CCDC73: variants seen among roughly 807,000 people sequenced by gnomAD.
The protein encoded by CCDC73 is coiled-coil domain containing 73, also known as coiled-coil domain-containing protein 73.
A neutral mutation model predicts 116.5 loss-of-function variants in CCDC73; 95 were observed. That is an observed-to-expected ratio of 0.82 (90% CI 0.69 to 0.97). The LOEUF (loss-of-function observed/expected upper bound fraction) is 0.97, where lower values mean the gene tolerates loss of function less well. Ranked by LOEUF, CCDC73 falls within the 50% of genes least tolerant of loss-of-function variation. The probability of loss-of-function intolerance (pLI) is 0.00; values close to 1 mark genes in which losing one functional copy is unlikely to be tolerated. For synonymous variants in CCDC73, 398 were observed against 401.3 expected (o/e 0.99, Z 0.10); for missense variants, 1,066 against 1,206.8 (o/e 0.88, Z 1.73).
intron 4 of CCDC73, among the ~76,000 whole-genome samples, chr11:32,701,416 A>G (rs1418297526): frequency 1.3e-5 from 2 of 152,190 alleles, no homozygotes; most frequent in Non-Finnish European, 2.9e-5. Context: ...ATGACATTTT[A>G]AAGGCCAGGC....
intron 13 of CCDC73, among the ~76,000 whole-genome samples, chr11:32,640,614 A>AT (rs1855723647): frequency 1.3e-5 from 2 of 152,196 alleles, no homozygotes. Flanking sequence ...CCATTTAACG[A>AT]TTTTTTAGTA....
Position 32,614,945 on chromosome 11 carries a change from G to A in CCDC73, c.1376-3C>T. The A allele has an allele frequency of 6.3e-6, 10 of 1,578,628 alleles. No homozygotes were observed. Among genetic ancestry groups the A allele is most frequent in the Non-Finnish European group, 8.6e-6 (10 of 1,162,362 alleles). On this transcript the variant is annotated splice_region_variant and splice_polypyrimidine_tract_variant and intron_variant, in intron 15 of 17. Coordinates refer to ENST00000335185, the MANE Select transcript of CCDC73 (RefSeq NM_001008391.4). The stretch of plus-strand genomic sequence containing the variant: ...GCTTTTTTCAAAAAGCTGTAAATCT[G>A]TCATGATGGGAACACAGTAAAATTT...
At chr11:32,703,153 C>T (rs1357708311) in intron 3 of CCDC73, among the ~76,000 whole-genome samples, 1 of 152,088 alleles carries the variant, frequency 6.6e-6, no homozygotes, top group Non-Finnish European at 1.5e-5. Context: ...GTGGCACAAT[C>T]ACAGCACACT....
chr11:32,759,161 T>C (rs1242978129), intron 2 of CCDC73, among the ~76,000 whole-genome samples: 3 of 151,874 alleles, frequency 2.0e-5, no homozygotes, highest in South Asian at 2.1e-4. Flanking sequence ...CTCATTTCTA[T>C]ATCCTTATTG....
intron 5 of CCDC73, among the ~76,000 whole-genome samples, chr11:32,699,821 T>G (rs1007543646): frequency 2.0e-5 from 3 of 151,648 alleles, no homozygotes; most frequent in African/African-American, 7.3e-5. Context: ...ATGGCACATG[T>G]ATATATATGT....
intron 17 of CCDC73, among the ~76,000 whole-genome samples, chr11:32,610,587 T>C (rs187218282): frequency 4.6e-5 from 7 of 152,346 alleles, no homozygotes; most frequent in African/African-American, 9.6e-5. Flanking sequence ...CTTCCTGCTA[T>C]AGTTAGTTGC....
At chr11:32,793,024 C>T (rs1454889811) in intron 1 of CCDC73, among the ~76,000 whole-genome samples, 1 of 151,736 alleles carries the variant, frequency 6.6e-6, no homozygotes, top group African/African-American at 2.4e-5. Flanking sequence ...ACGGGATACA[C>T]GGCCAGAGCG....
chr11:32,703,612 G>GACA (rs200882817), intron 3 of CCDC73, among the ~76,000 whole-genome samples: 2 of 151,922 alleles, frequency 1.3e-5, no homozygotes, highest in Non-Finnish European at 2.9e-5. Context: ...CAAAAACAAT[G>GACA]ACAACAACAA....
At chr11:32,709,442 G>A (rs868057439) in intron 3 of CCDC73, among the ~76,000 whole-genome samples, 1 of 152,036 alleles carries the variant, frequency 6.6e-6, no homozygotes, top group African/African-American at 2.4e-5. Context: ...GGCTGCAGGC[G>A]CCTGCCACCA....
At chr11:32,830,051 G>C in the CCDC73 span, 2 of 987,468 alleles carry the variant, frequency 2.0e-6, no homozygotes, top group Non-Finnish European at 2.4e-6. Context: ...CCTGCGGAGA[G>C]CGAGGCCCGG....
At chr11:32,730,958 G>A (rs1850071747) in intron 2 of CCDC73, among the ~76,000 whole-genome samples, 1 of 152,188 alleles carries the variant, frequency 6.6e-6, no homozygotes, top group Non-Finnish European at 1.5e-5. Flanking sequence ...CGGACCATGA[G>A]CCAAAGCAGG....
At position 32,683,530 on chromosome 11, in the gene CCDC73, C is replaced by T. The variant is rs72895286; in HGVS notation, c.429+6G>A. 0.064 allele frequency: 96,324 copies of T among 1,505,368 alleles called. 3,629 individuals are homozygous for T. Among genetic ancestry groups the T allele is most frequent in the Middle Eastern group, 0.077 (338 of 4,362 alleles). The allele number at this position is 1,505,368 out of a possible 1,614,324, so 93.3% of individuals were successfully genotyped here. ...TGGGGGAAAATATGTTTTGTAATTT[C>T]CTTACCATTTCACTCACTTTCTTCT... On this transcript the variant is annotated splice_donor_region_variant and intron_variant, in intron 7 of 17. Transcript: ENST00000335185.
At chr11:32,716,445 T>C (rs112229322) in intron 3 of CCDC73, among the ~76,000 whole-genome samples, 4,418 of 152,318 alleles carry the variant, frequency 0.029, 82 homozygotes, top group Non-Finnish European at 0.039. Context: ...AAGAATCAAG[T>C]ATGACTATTT....
intron 7 of CCDC73, among the ~76,000 whole-genome samples, chr11:32,676,236 C>T (rs1856087912): frequency 6.6e-6 from 1 of 152,052 alleles, no homozygotes; most frequent in South Asian, 2.1e-4. Context: ...ACATATTTTT[C>T]CTGTAGCAAA....
At chr11:32,652,641 C>T (rs1443652696) in intron 12 of CCDC73, among the ~76,000 whole-genome samples, 1 of 152,154 alleles carries the variant, frequency 6.6e-6, no homozygotes, top group Non-Finnish European at 1.5e-5. Flanking sequence ...TCTTCTCCTT[C>T]CCAGTCATTT....
intron 9 of CCDC73, among the ~76,000 whole-genome samples, chr11:32,665,861 C>A (rs1855976035): frequency 6.6e-6 from 1 of 152,120 alleles, no homozygotes. Flanking sequence ...CTGGTAGTGA[C>A]AAAATCTCTC....
chr11:32,744,981 T>G (rs1315163013), intron 2 of CCDC73, among the ~76,000 whole-genome samples: 1 of 152,218 alleles, frequency 6.6e-6, no homozygotes, highest in African/African-American at 2.4e-5. Flanking sequence ...TCTCTAGTTC[T>G]TTTAATTGTG....
At chr11:32,637,010 T>TTTTTC (rs1565063144) in intron 13 of CCDC73, among the ~76,000 whole-genome samples, 2 of 85,134 alleles carry the variant, frequency 2.3e-5, no homozygotes, top group Non-Finnish European at 5.0e-5. Context: ...TTTCACTTTT[T>TTTTTC]CTTTTTCTTT....
chr11:32,646,543 T>C (rs1036823939), intron 12 of CCDC73, among the ~76,000 whole-genome samples: 11 of 152,234 alleles, frequency 7.2e-5, no homozygotes, highest in African/African-American at 2.7e-4. Flanking sequence ...CATGGTTCTA[T>C]TGTCTTCTAC....
Sources: allele counts gnomAD v4.1 joint callset (sites outside exome capture counted in the v4.1 genomes callset), GRCh38; gene constraint gnomAD v4.1.1; transcripts MANE v1.5; gene names NCBI Gene and HGNC (gene_info 2026-07-23, HGNC 2026-07-21).